The following SLIT3 variants were observed in gnomAD, a reference collection of about 807,000 sequenced individuals.
The protein encoded by SLIT3 is slit guidance ligand 3.
In SLIT3, 68 loss-of-function variants were observed where a neutral mutation model predicts 184.0. That is an observed-to-expected ratio of 0.37 (90% confidence interval 0.30 to 0.45). The LOEUF (loss-of-function observed/expected upper bound fraction) is 0.45, where lower values mean the gene tolerates loss of function less well. Ranked by LOEUF, SLIT3 falls within the 20% of genes least tolerant of loss-of-function variation. The probability of loss-of-function intolerance (pLI) is 1.00; values close to 1 mark genes in which losing one functional copy is unlikely to be tolerated. For missense variants in SLIT3, 1,707 were observed against 2,026.0 expected (o/e 0.84, Z 3.02); for synonymous variants, 831 against 828.6 (o/e 1.00, Z -0.05).
intron 4 of SLIT3, among the ~76,000 whole-genome samples, chr5:168,948,702 A>G (rs1367868873): frequency 6.6e-6 from 1 of 152,166 alleles, no homozygotes; most frequent in East Asian, 1.9e-4. Flanking sequence ...ATGTGACCCC[A>G]ATATTTAAAG....
rs138986058 is a variant in SLIT3 at position 168,764,128 on chromosome 5, A to G, written c.1460-1439T>C. 2.7e-3 allele frequency among the ~76,000 whole-genome samples: 409 copies of G among 152,322 alleles called. 4 individuals are homozygous for G. The highest frequency in any genetic ancestry group is 9.5e-3 in the African/African-American group (393 of 41,570). ...TGTTGTGCAGATGAAAGTAACATTA[A>G]GGAGGTGGAGAGCCTCAGGAGTGGT... is the stretch of plus-strand genomic sequence containing the variant. On this transcript the variant is annotated intron_variant, in intron 14 of 35. Coordinates refer to ENST00000519560, the MANE Select transcript of SLIT3 (RefSeq NM_003062.4).
At chr5:168,784,393 C>G (rs751041002) in intron 12 of SLIT3, among the ~76,000 whole-genome samples, 6 of 152,180 alleles carry the variant, frequency 3.9e-5, no homozygotes, top group Non-Finnish European at 7.3e-5. Flanking sequence ...CACAGACACA[C>G]ACAGAGTGGG....
intron 14 of SLIT3, among the ~76,000 whole-genome samples, chr5:168,770,573 A>G (rs1168097031): frequency 6.6e-6 from 1 of 152,174 alleles, no homozygotes; most frequent in Non-Finnish European, 1.5e-5. Context: ...GACATAAAAT[A>G]AAAGCAAATA....
chr5:169,272,339 C>A (rs968533), intron 1 of SLIT3, among the ~76,000 whole-genome samples: 1 of 152,160 alleles, frequency 6.6e-6, no homozygotes, highest in Non-Finnish European at 1.5e-5. Flanking sequence ...GCTGGGCATG[C>A]AGTCCCTAGT....
In SLIT3 at chr5:168,846,161, C is replaced by T. The variant is rs555726412; in HGVS notation, c.486-1506G>A. ...GCATTACAACAGACAGACTCTGTCA[C>T]GATATTATGGACAATTATTAATACA... On this transcript the variant is annotated intron_variant, in intron 5 of 35. Transcript: ENST00000519560. Among the ~76,000 whole-genome samples, 10 of 152,252 alleles carry T rather than the reference C, an allele frequency of 6.6e-5. No individual in the cohort carries two copies. The South Asian group carries it at 1.2e-3, about 19-fold the overall frequency.
intron 4 of SLIT3, among the ~76,000 whole-genome samples, chr5:169,038,699 G>A (rs766652383): frequency 1.3e-5 from 2 of 152,170 alleles, no homozygotes; most frequent in East Asian, 1.9e-4. Context: ...CCAAGGTCAC[G>A]CTGCTATTTA....
Position 168,789,566 on chromosome 5 carries a change from G to A in SLIT3, c.1073C>T (p.Thr358Ile). 1 of 1,612,954 alleles carries A rather than the reference G, an allele frequency of 6.2e-7. No homozygotes were observed. The highest frequency in any genetic ancestry group is 8.5e-7 in the Non-Finnish European group (1 of 1,179,418). Residue 358 changes from threonine to isoleucine, a missense_variant, in exon 11 of 36, where the codon ACA becomes ATA. By Grantham distance (89) the Thr-to-Ile change is moderately conservative. Around this residue, in one of 3 missense-constraint regions of SLIT3, gnomAD observed 1,307 missense variants for 1,511.6 expected, o/e 0.86. Coordinates refer to ENST00000519560, the MANE Select transcript of SLIT3 (RefSeq NM_003062.4). ...PDAFQGLKSL[T>I]SLVLYGNKIT... ...CAACTCGGGCCCCACTTACAGCGAT[G>A]TGAGTGATTTCAGGCCCTGGAAGGC...
At chr5:168,830,324 C>T (rs1757839279) in intron 6 of SLIT3, among the ~76,000 whole-genome samples, 1 of 152,166 alleles carries the variant, frequency 6.6e-6, no homozygotes, top group South Asian at 2.1e-4. Flanking sequence ...TTACTGTTTC[C>T]CTCATCTCCA....
intron 4 of SLIT3, among the ~76,000 whole-genome samples, chr5:169,190,560 T>G (rs9313448): frequency 0.29 from 43,838 of 152,188 alleles, 6,634 homozygotes; most frequent in East Asian, 0.43. Context: ...TTCATTACTA[T>G]TCAAAGCCTG....
chr5:169,134,380 T>G (rs1206300742), intron 4 of SLIT3, among the ~76,000 whole-genome samples: 1 of 152,184 alleles, frequency 6.6e-6, no homozygotes, highest in Non-Finnish European at 1.5e-5. Flanking sequence ...GTTCAAGTCT[T>G]CTTGGACCCA....
intron 5 of SLIT3, among the ~76,000 whole-genome samples, chr5:168,854,888 T>G (rs779480656): frequency 7.9e-5 from 12 of 152,186 alleles, no homozygotes; most frequent in Non-Finnish European, 1.6e-4. Context: ...TCGGGGGATA[T>G]CAAGGTCCTT....
intron 4 of SLIT3, among the ~76,000 whole-genome samples, chr5:169,189,916 A>T (rs1259503714): frequency 6.6e-6 from 1 of 152,156 alleles, no homozygotes; most frequent in Admixed American, 6.5e-5. Flanking sequence ...TTATCTATCT[A>T]AAAGTGCTAT....
At position 168,772,856 on chromosome 5, in the gene SLIT3, C is replaced by G. The variant is rs1261962710; in HGVS notation, c.1384G>C (p.Ala462Pro). The G allele has an allele frequency of 1.2e-6, 2 of 1,613,966 alleles. No homozygotes were observed. The highest frequency in any genetic ancestry group is 8.5e-7 in the Non-Finnish European group (1 of 1,180,028). The change falls in exon 14 of 36, where the codon GCC (alanine) becomes CCC (proline). Residue 462 changes from alanine (A) to proline (P), a missense_variant. By Grantham distance (27) the Ala-to-Pro change is conservative. This residue lies in a region of SLIT3 where 1,307 missense variants were observed against 1,511.6 expected (regional missense o/e 0.86). Transcript: ENST00000519560. The part of the protein sequence containing the change: ...LQDNPIETSG[A>P]RCSSPRRLAN... ...AGTCGGCGCGGGCTGCTGCAGCGGG[C>G]CCCGCTTGTCTCGATGGGGTTGTCC... is the stretch of plus-strand genomic sequence containing the variant.
chr5:168,820,446 A>G (rs6555831), intron 7 of SLIT3, among the ~76,000 whole-genome samples: 73,803 of 152,028 alleles, frequency 0.49, 18,309 homozygotes, highest in East Asian at 0.62. Context: ...GATATTAGTG[A>G]TGCCTCCTTC....
intron 3 of SLIT3, among the ~76,000 whole-genome samples, chr5:169,207,898 G>A (rs991974660): frequency 6.6e-6 from 1 of 152,114 alleles, no homozygotes; most frequent in Non-Finnish European, 1.5e-5. Context: ...CCAGAAAGTG[G>A]GTCCTCACCA....
chr5:168,883,855 G>C (rs999143024), intron 4 of SLIT3, among the ~76,000 whole-genome samples: 1 of 152,234 alleles, frequency 6.6e-6, no homozygotes, highest in Non-Finnish European at 1.5e-5. Flanking sequence ...CAGCTTACTC[G>C]AGAGTCCCAG....
chr5:168,879,577 T>A (rs184755290), intron 5 of SLIT3, among the ~76,000 whole-genome samples: 255 of 152,122 alleles, frequency 1.7e-3, no homozygotes, highest in Middle Eastern at 6.8e-3. Context: ...CTCACATGAG[T>A]TTTTCTCTTG....
intron 4 of SLIT3, among the ~76,000 whole-genome samples, chr5:169,185,682 G>T (rs1488829369): frequency 6.6e-6 from 1 of 152,206 alleles, no homozygotes; most frequent in African/African-American, 2.4e-5. Context: ...ACTGCAAAGG[G>T]CTCTGTGAGT....
chr5:168,993,757 C>G (rs1398225328), intron 4 of SLIT3, among the ~76,000 whole-genome samples: 1 of 152,096 alleles, frequency 6.6e-6, no homozygotes, highest in Non-Finnish European at 1.5e-5. Context: ...AAATCTATCA[C>G]CTTGTTCCTG....
Sources: gnomAD v4.1 joint callset for allele counts (sites outside exome capture counted in the v4.1 genomes callset) on GRCh38, gnomAD v4.1.1 for gene constraint, gnomAD v4.1.1 regional missense constraint, MANE v1.5 for transcripts, NCBI Gene and HGNC (gene_info 2026-07-23, HGNC 2026-07-21) for gene names.